The following HARS1 variants were observed in gnomAD, a reference collection of about 807,000 sequenced individuals.
The protein encoded by HARS1 is histidyl-tRNA synthetase 1.
A neutral mutation model predicts 63.6 loss-of-function variants in HARS1; 45 were observed. The observed-to-expected ratio is 0.71, with a 90% confidence interval of 0.56 to 0.91. HARS1 has a LOEUF of 0.91. HARS1 is among the 40% of genes least tolerant of loss of function. HARS1 has a pLI of 0.00. For missense variants in HARS1, 508 were observed against 643.2 expected, an observed-to-expected ratio of 0.79 and a Z score of 2.27; for synonymous variants, 205 against 247.1, an observed-to-expected ratio of 0.83 and a Z score of 1.60.
rs199615869 is a variant in HARS1, at chr5:140,674,735, C to G, written c.1402G>C (p.Glu468Gln). 1 of 1,614,196 alleles carries G rather than the reference C, an allele frequency of 6.2e-7. No homozygotes were observed. Among genetic ancestry groups the G allele is most frequent in the East Asian group, 2.2e-5 (1 of 44,884 alleles). Residue 468 changes from glutamate (E) to glutamine (Q), a missense_variant, in exon 12 of 13, where the codon GAG becomes CAG. Transcript: ENST00000504156. ...AGIPLVAIIGEQELKDGVIKL... is the reference protein window; with the variant it reads ...AGIPLVAIIGQQELKDGVIKL... ...ATGACCCCATCCTTGAGTTCCTGCTCGCCGATGATAGCCACCAGTGGGATG... is the reference window on the plus strand; with the variant it reads ...ATGACCCCATCCTTGAGTTCCTGCTGGCCGATGATAGCCACCAGTGGGATG...
intron 3 of HARS1, 55 bp downstream of exon 3, chr5:140,683,045 T>C (rs1758815538): frequency 1.3e-6 from 2 of 1,564,360 alleles, no homozygotes; most frequent in Middle Eastern, 1.7e-4. Context: ...TCATCTTCTT[T>C]GTTATTCAAA....
rs764345214 is a variant in HARS1 at position 140,691,336 on chromosome 5, C to A, written c.-32G>T. ...TGTCCACTTGAGCCGCCTGCTGTCT[C>A]GACCTGCGGTGGTTGCCCCAGCCTC... On this transcript the variant is annotated 5_prime_UTR_variant, in exon 1 of 13. Transcript: ENST00000504156. 15 of 1,541,466 alleles carry A rather than the reference C, an allele frequency of 9.7e-6. No homozygotes were observed. In the South Asian group the frequency reaches 1.4e-4, roughly 14 times the overall value.
chr5:140,674,748 C>T lies in HARS1; in HGVS notation c.1389G>A (p.Val463=), dbSNP rs1356997570. ...TGAGTTCCTGCTCGCCGATGATAGC[C>T]ACCAGTGGGATGCCTGCCTCCTCAC... ...QYCEEAGIPL[V]AIIGEQELKD... Residue 463 remains valine, a synonymous_variant, in exon 12 of 13, where the codon GTG becomes GTA. Coordinates refer to ENST00000504156, the MANE Select transcript of HARS1 (RefSeq NM_002109.6). 6.2e-7 allele frequency: 1 copy of T among 1,614,192 alleles called. No homozygotes were observed. Among genetic ancestry groups the T allele is most frequent in the Non-Finnish European group, 8.5e-7 (1 of 1,180,026 alleles).
rs1384937115 is a variant in HARS1 at position 140,674,245 on chromosome 5, AGTTT to A, written c.*8_*11del. The A allele has an allele frequency of 6.4e-7, 1 of 1,551,006 alleles. No homozygotes were observed. The highest frequency in any genetic ancestry group is 1.4e-5 in the African/African-American group (1 of 73,676). ...CCAGTCCCACTTCCTTTCCTCTGAT[AGTTT>A]GTTCAGTTCAGCAGATGCAGAGGGG... On this transcript the variant is annotated 3_prime_UTR_variant, in exon 13 of 13. Transcript: ENST00000504156.
In HARS1 at chr5:140,683,100, C is replaced by G; in HGVS notation, c.300G>C (p.Lys100Asn). Residue 100 changes from lysine (K) to asparagine (N), a missense_variant and splice_region_variant, in exon 3 of 13, where the codon AAG becomes AAC. Lys to Asn is a moderately conservative substitution (Grantham distance 94). Coordinates refer to ENST00000504156, the MANE Select transcript of HARS1 (RefSeq NM_002109.6). ...TAGTTTCTTCTTGCCCATTCCTCAC[C>G]TTTAGTTCAAATACAGGTGTATCAA... is the stretch of plus-strand genomic sequence containing the variant. ...EVIDTPVFEL[K>N]ETLMGKYGED... 6.2e-7 allele frequency: 1 copy of G among 1,613,362 alleles called. No homozygotes were observed. Among genetic ancestry groups the G allele is most frequent in the Non-Finnish European group, 8.5e-7 (1 of 1,179,442 alleles).
intron 2 of HARS1, among the ~76,000 whole-genome samples, chr5:140,686,703 C>A (rs1368340165): frequency 6.6e-6 from 1 of 151,602 alleles, no homozygotes; most frequent in South Asian, 2.1e-4. Flanking sequence ...CAGGTTCAAG[C>A]GATTCTTGTG....
At chr5:140,674,349 A>C (rs760290165) in intron 12 of HARS1, 21 bp from the exon 13 acceptor site, 5 of 1,527,518 alleles carry the variant, frequency 3.3e-6, no homozygotes, top group Non-Finnish European at 4.5e-6. Flanking sequence ...TGGGAGAAGA[A>C]GGTGGTATAA....
chr5:140,675,180 A>C lies in HARS1; in HGVS notation c.1195-47T>G, dbSNP rs200507947. 4.9e-5 allele frequency: 58 copies of C among 1,178,338 alleles called. No individual in the cohort carries two copies. The African/African-American group carries it at 8.1e-4, about 16-fold the overall frequency. 73.0% of individuals were successfully genotyped at this position (1,178,338 alleles called of 1,614,324 possible). A position where few individuals can be genotyped will look rare whatever the true frequency, so the allele number is the denominator to read the frequency against. ...GAGAGCTGGGCTAACACCTTCAAGG[A>C]GCAAACAAAGCAGGCTCTAGTCGGG... On this transcript the variant is annotated intron_variant, in intron 10 of 12. Coordinates refer to ENST00000504156, the MANE Select transcript of HARS1 (RefSeq NM_002109.6).
Position 140,691,314 on chromosome 5 carries a change from C to T in HARS1, c.-10G>A, listed in dbSNP as rs528205641. 3.9e-5 allele frequency: 62 copies of T among 1,596,600 alleles called. No homozygotes were observed. The South Asian group carries it at 6.6e-4, about 17-fold the overall frequency. The stretch of plus-strand genomic sequence containing the variant: ...CCGCACGCTCTGCCATCCCGGCTGT[C>T]CACTTGAGCCGCCTGCTGTCTCGAC... On this transcript the variant is annotated 5_prime_UTR_variant, in exon 1 of 13. Transcript: ENST00000504156.
At chr5:140,686,481 C>T (rs1335806514) in intron 2 of HARS1, among the ~76,000 whole-genome samples, 1 of 152,042 alleles carries the variant, frequency 6.6e-6, no homozygotes, top group Admixed American at 6.6e-5. Context: ...TCAGGTGATC[C>T]GCCCACCTTG....
rs1758372380 is a variant in HARS1 at position 140,676,586 on chromosome 5, T to C, written c.1194+68A>G. ...GCCCAAAGCAGCACCACTTGCTCCC[T>C]TGGAGATCAGATAGCTTAGGTGCCA... On this transcript the variant is annotated intron_variant, in intron 10 of 12. Coordinates refer to ENST00000504156, the MANE Select transcript of HARS1 (RefSeq NM_002109.6). The surrounding 1 kb of genome is among the most constrained non-coding windows in gnomAD (Gnocchi z 4.1). 6 of 1,541,046 alleles carry C rather than the reference T, an allele frequency of 3.9e-6. No homozygotes were observed. Among genetic ancestry groups the C allele is most frequent in the Non-Finnish European group, 4.4e-6 (5 of 1,125,256 alleles).
intron 2 of HARS1, among the ~76,000 whole-genome samples, chr5:140,688,934 A>G (rs1562028858): frequency 6.6e-6 from 1 of 152,220 alleles, no homozygotes; most frequent in African/African-American, 2.4e-5. Flanking sequence ...TTCTTCTTGC[A>G]TCACATCAGC....
intron 2 of HARS1, chr5:140,684,538 A>T (rs1758909689): frequency 2.6e-6 from 1 of 379,676 alleles, no homozygotes; most frequent in Non-Finnish European, 3.6e-6. Flanking sequence ...TTTACAGATG[A>T]AGTACAGGAT....
At chr5:140,685,581 C>T (rs1252003378) in intron 2 of HARS1, among the ~76,000 whole-genome samples, 10 of 151,900 alleles carry the variant, frequency 6.6e-5, no homozygotes, top group East Asian at 3.9e-4. Flanking sequence ...ATTAGCTGGG[C>T]GTGGTGGCAC....
chr5:140,684,287 CAAAACA>C (rs201864120), intron 2 of HARS1: 21 of 923,284 alleles, frequency 2.3e-5, no homozygotes, highest in African/African-American at 1.3e-4. Flanking sequence ...AAGACTCTGT[CAAAACA>C]AAAACAAAAA....
intron 5 of HARS1, chr5:140,678,233 T>G: frequency 1.7e-6 from 1 of 576,916 alleles, no homozygotes; most frequent in Non-Finnish European, 3.1e-6. Context: ...ATTTTCTACT[T>G]CATCATCTTC....
intron 3 of HARS1, among the ~76,000 whole-genome samples, chr5:140,680,393 C>T (rs1758651477): frequency 6.6e-6 from 1 of 152,008 alleles, no homozygotes; most frequent in African/African-American, 2.4e-5. Context: ...GATCTGCCCG[C>T]TTCAGCCTCC....
intron 10 of HARS1, 178 bp from the exon 11 acceptor site, chr5:140,675,311 G>A (rs1431614211): frequency 1.7e-6 from 1 of 589,066 alleles, no homozygotes; most frequent in Non-Finnish European, 3.0e-6. Context: ...GGACTGAACT[G>A]ACTGACTTGT....
At position 140,678,018 on chromosome 5, in the gene HARS1, G is replaced by A; in HGVS notation, c.523-3C>T. 1 of 1,542,850 alleles carries A rather than the reference G, an allele frequency of 6.5e-7. No homozygotes were observed. The highest frequency in any genetic ancestry group is 2.2e-5 in the East Asian group (1 of 44,562). On this transcript the variant is annotated splice_polypyrimidine_tract_variant and splice_region_variant and intron_variant, in intron 5 of 12. Transcript: ENST00000504156. ...AAGTTCCCAGCAATGTCAAAATCCT[G>A]CAGGGAGAGGGTTAGCCAGCGGTCT...
Sources: allele counts gnomAD v4.1 joint callset (sites outside exome capture counted in the v4.1 genomes callset), GRCh38; gene constraint gnomAD v4.1.1; non-coding constraint Gnocchi (gnomAD v3.1); transcripts MANE v1.5; gene names NCBI Gene and HGNC (gene_info 2026-07-23, HGNC 2026-07-21).